PAN3: variants seen among roughly 807,000 people sequenced by gnomAD.
PAN3 encodes the protein poly(A) specific ribonuclease subunit PAN3.
In PAN3, 19 loss-of-function variants were observed where a neutral mutation model predicts 96.2. The observed-to-expected ratio is 0.20, with a 90% CI of 0.14 to 0.29. The LOEUF is 0.29. PAN3 is among the 10% of genes least tolerant of loss of function. The pLI, the probability that PAN3 is intolerant of heterozygous loss-of-function variation, is 1.00. For missense variants in PAN3, 882 were observed against 1,108.1 expected, an observed-to-expected ratio of 0.80 and a Z score of 2.90; for synonymous variants, 433 against 406.6, an observed-to-expected ratio of 1.06 and a Z score of -0.78.
At chr13:28,256,781 C>T (rs1046171147) in intron 7 of PAN3, among the ~76,000 whole-genome samples, 4 of 152,132 alleles carry the variant, frequency 2.6e-5, no homozygotes, top group Admixed American at 2.6e-4. Context: ...TATCCATGCT[C>T]TTATTTTAGT....
At chr13:28,260,411 T>G (rs1310961515) in intron 7 of PAN3, 36 bp from the exon 8 acceptor site, 2 of 1,482,376 alleles carry the variant, frequency 1.3e-6, no homozygotes, top group African/African-American at 2.8e-5. Flanking sequence ...GAAAGAAAAA[T>G]GAGTGATTAC....
rs142319624 is a variant in PAN3 at position 28,177,816 on chromosome 13, C to T, written c.620-49C>T. On this transcript the variant is annotated intron_variant, in intron 3 of 18. Coordinates refer to ENST00000380958, the MANE Select transcript of PAN3 (RefSeq NM_175854.8). ...TCAAATTAAACAGTTATTAGATTTG[C>T]GGGTTACCCAAGTTTTATGTGTGGA... 2.3e-3 allele frequency: 3,371 copies of T among 1,450,686 alleles called. 6 individuals are homozygous for T. The highest frequency in any genetic ancestry group is 3.1e-3 in the Admixed American group (181 of 58,594). The allele number at this position is 1,450,686 out of a possible 1,614,324, so 89.9% of individuals were successfully genotyped here. A position where few individuals can be genotyped will look rare whatever the true frequency, so the allele number is the denominator to read the frequency against.
intron 16 of PAN3, among the ~76,000 whole-genome samples, chr13:28,280,812 C>T (rs1887417183): frequency 6.6e-6 from 1 of 152,118 alleles, no homozygotes; most frequent in Non-Finnish European, 1.5e-5. Flanking sequence ...CCGCCCGCCT[C>T]AGCCTCCCAA....
rs113840332 is a variant in PAN3 at position 28,194,277 on chromosome 13, G to A, written c.691-2908G>A. Among the ~76,000 whole-genome samples the A allele has an allele frequency of 9.7e-3, 1,471 of 151,546 alleles. 16 individuals carry two copies. Among genetic ancestry groups the A allele is most frequent in the African/African-American group, 0.034 (1,406 of 41,344 alleles). On this transcript the variant is annotated intron_variant, in intron 4 of 18. Coordinates refer to ENST00000380958, the MANE Select transcript of PAN3 (RefSeq NM_175854.8). ...CAGATATATGACCTGGAATTTAGGT[G>A]TCCATGTATAAATCATTTGACAACC...
chr13:28,166,500 T>A (rs972159823), intron 1 of PAN3, among the ~76,000 whole-genome samples: 1 of 152,216 alleles, frequency 6.6e-6, no homozygotes, highest in Non-Finnish European at 1.5e-5. Flanking sequence ...GGTTGGAGTC[T>A]GGTGCCTCTG....
At chr13:28,168,906 T>C (rs1046631819) in intron 1 of PAN3, among the ~76,000 whole-genome samples, 6 of 151,278 alleles carry the variant, frequency 4.0e-5, no homozygotes, top group African/African-American at 1.5e-4. Context: ...TAGTCTCAGC[T>C]ACTCTGGAGG....
At chr13:28,253,426 TTATAAAA>T (rs1884894383) in intron 6 of PAN3, among the ~76,000 whole-genome samples, 1 of 151,886 alleles carries the variant, frequency 6.6e-6, no homozygotes, top group African/African-American at 2.4e-5. Flanking sequence ...TTTAACACAC[TTATAAAA>T]TATACAGATG....
At chr13:28,146,444 A>G (rs917438219) in intron 1 of PAN3, among the ~76,000 whole-genome samples, 1 of 151,894 alleles carries the variant, frequency 6.6e-6, no homozygotes. Context: ...ATAACAGAAA[A>G]GTATTTTCTC....
chr13:28,292,283 CAA>C (rs11343365), intron 18 of PAN3, 97 bp from the exon 19 acceptor site: 6 of 1,259,148 alleles, frequency 4.8e-6, no homozygotes, highest in Non-Finnish European at 6.4e-6. Flanking sequence ...GGGAATGTGA[CAA>C]AAAAAATTTA....
At chr13:28,177,967 A>G (rs750589964) in intron 4 of PAN3, 32 bp downstream of exon 4, 3 of 1,562,006 alleles carry the variant, frequency 1.9e-6, no homozygotes, top group African/African-American at 1.4e-5. Context: ...ATTAAACTAA[A>G]TGGAATTTAG....
chr13:28,217,511 G>A (rs1005837889), intron 5 of PAN3, among the ~76,000 whole-genome samples: 3 of 151,992 alleles, frequency 2.0e-5, no homozygotes, highest in Non-Finnish European at 4.4e-5. Context: ...GAACCTGCGA[G>A]GCGGAAGTTG....
chr13:28,265,096 A>T, intron 9 of PAN3, among the ~76,000 whole-genome samples: 1 of 152,268 alleles, frequency 6.6e-6, no homozygotes, highest in East Asian at 1.9e-4. Context: ...TAAATGAAAT[A>T]GCTGGAAAAC....
intron 6 of PAN3, among the ~76,000 whole-genome samples, chr13:28,228,353 A>T (rs1882213407): frequency 6.6e-6 from 1 of 152,162 alleles, no homozygotes; most frequent in Non-Finnish European, 1.5e-5. Flanking sequence ...GTCTTAGTAA[A>T]AGGAGAGGAA....
rs371297689 is a variant in PAN3, at chr13:28,179,619, G to A, written c.690+1684G>A. On this transcript the variant is annotated intron_variant, in intron 4 of 18. Transcript: ENST00000380958. ...CAGTCGCAGCTGAGGTGGGAGAGTC[G>A]TTTGAGCCTGGGCGGTTGAGGCTGC... 5.3e-5 allele frequency among the ~76,000 whole-genome samples: 8 copies of A among 151,600 alleles called. No individual in the cohort carries two copies. In the East Asian group the frequency reaches 1.6e-3, roughly 29 times the overall value.
chr13:28,252,846 A>G (rs7330759), intron 6 of PAN3, among the ~76,000 whole-genome samples: 27,492 of 151,968 alleles, frequency 0.18, 3,607 homozygotes, highest in African/African-American at 0.36. Flanking sequence ...TCATCCTTCT[A>G]GATTGTTGTT....
At chr13:28,174,947 CTT>C (rs746224432) in intron 2 of PAN3, among the ~76,000 whole-genome samples, 42 of 152,126 alleles carry the variant, frequency 2.8e-4, no homozygotes, top group Non-Finnish European at 4.1e-4. Flanking sequence ...TTAAAAATGT[CTT>C]TGAATTTTTT....
intron 1 of PAN3, among the ~76,000 whole-genome samples, chr13:28,171,450 T>C (rs1430161155): frequency 6.6e-6 from 1 of 152,210 alleles, no homozygotes; most frequent in African/African-American, 2.4e-5. Context: ...AAGACTGCTC[T>C]CCACTTCAGA....
intron 1 of PAN3, among the ~76,000 whole-genome samples, chr13:28,172,383 G>A (rs1874421028): frequency 6.6e-6 from 1 of 152,058 alleles, no homozygotes; most frequent in South Asian, 2.1e-4. Flanking sequence ...GTGAACCCAG[G>A]GGGCGAAGCT....
At chr13:28,224,293 A>G (rs1282553248) in intron 6 of PAN3, among the ~76,000 whole-genome samples, 1 of 152,232 alleles carries the variant, frequency 6.6e-6, no homozygotes, top group East Asian at 1.9e-4. Context: ...TAATTACCTC[A>G]GTGTTAACAA....
Sources: gnomAD v4.1 joint callset for allele counts (sites outside exome capture counted in the v4.1 genomes callset) on GRCh38, gnomAD v4.1.1 for gene constraint, MANE v1.5 for transcripts, NCBI Gene and HGNC (gene_info 2026-07-23, HGNC 2026-07-21) for gene names.